SPAG9: variants seen among roughly 807,000 people sequenced by gnomAD.
The protein encoded by SPAG9 is sperm associated antigen 9.
In SPAG9, 35 loss-of-function variants were observed where a neutral mutation model predicts 166.5. The observed-to-expected ratio is 0.21, with a 90% confidence interval of 0.16 to 0.28. The LOEUF (loss-of-function observed/expected upper bound fraction) is 0.28. Among genes scored for constraint, SPAG9 ranks in the 10% least tolerant of loss-of-function variants. The pLI is 1.00. For missense variants in SPAG9, 1,235 were observed against 1,603.3 expected (o/e 0.77, Z 3.92); for synonymous variants, 534 against 565.5 (o/e 0.94, Z 0.79).
chr17:50,999,556 A>C, intron 14 of SPAG9, 105 bp downstream of exon 14: 1 of 1,469,510 alleles, frequency 6.8e-7, no homozygotes, highest in Non-Finnish European at 9.2e-7. Context: ...TAAAAAAAAA[A>C]AATGAAGGAA....
intron 5 of SPAG9, among the ~76,000 whole-genome samples, chr17:51,038,207 AG>A (rs2046695400): frequency 6.6e-6 from 1 of 152,218 alleles, no homozygotes; most frequent in South Asian, 2.1e-4. Flanking sequence ...TCTAGAGTCC[AG>A]GGAAGAGATA....
intron 1 of SPAG9, among the ~76,000 whole-genome samples, chr17:51,099,772 A>AAC (rs2048751034): frequency 6.7e-6 from 1 of 149,690 alleles, no homozygotes; most frequent in Non-Finnish European, 1.5e-5. Context: ...AAAAAAAAAA[A>AAC]AAAAAAAAAA....
chr17:51,120,239 T>C lies in SPAG9; in HGVS notation c.303+115A>G. The C allele has an allele frequency of 1.0e-6, 1 of 954,486 alleles. No homozygotes were observed. The highest frequency in any genetic ancestry group is 1.5e-6 in the Non-Finnish European group (1 of 682,744). 59.1% of individuals were successfully genotyped at this position (954,486 alleles called of 1,614,324 possible). ...GGATCGGTCCCAGGGGGCATCGGCC[T>C]CAGGCCCGCCCTCCAGGAGGCCCGT... On this transcript the variant is annotated intron_variant, in intron 1 of 29. Transcript: ENST00000262013. The surrounding 1 kb of genome is among the most constrained non-coding windows in gnomAD (Gnocchi z 4.7).
At chr17:51,107,988 T>C (rs1390180249) in intron 1 of SPAG9, among the ~76,000 whole-genome samples, 1 of 149,422 alleles carries the variant, frequency 6.7e-6, no homozygotes, top group Admixed American at 6.7e-5. Flanking sequence ...CCAGAGGAAA[T>C]CTTATCAGCA....
In SPAG9 at chr17:51,080,864, G is replaced by A. The variant is rs139215350; in HGVS notation, c.304-1160C>T. Among the ~76,000 whole-genome samples the A allele has an allele frequency of 9.6e-3, 1,203 of 125,220 alleles. 17 individuals are homozygous for A. Among genetic ancestry groups the A allele is most frequent in the African/African-American group, 0.038 (1,107 of 29,420 alleles). The allele number at this position is 125,220 out of a possible 152,430, so 82.1% of individuals were successfully genotyped here. The stretch of plus-strand genomic sequence containing the variant: ...ATCGCACCACTGCACTCCAGCCTGG[G>A]CTACAGAGCAAGACTCTATCTCAAA... On this transcript the variant is annotated intron_variant, in intron 1 of 29. Transcript: ENST00000262013.
chr17:51,028,148 ATG>A (rs2046259350), intron 6 of SPAG9, among the ~76,000 whole-genome samples: 1 of 152,118 alleles, frequency 6.6e-6, no homozygotes, highest in African/African-American at 2.4e-5. Context: ...GAGCTATACA[ATG>A]TGTTTGTGTT....
At chr17:50,984,860 T>G in intron 24 of SPAG9, 63 bp downstream of exon 24, 1 of 1,239,586 alleles carries the variant, frequency 8.1e-7, no homozygotes, top group Admixed American at 1.7e-5. Context: ...TAAACCAATC[T>G]ACTTAAAAAT....
In SPAG9 at chr17:51,087,406, C is replaced by T. The variant is rs190366320; in HGVS notation, c.304-7702G>A. On this transcript the variant is annotated intron_variant, in intron 1 of 29. Transcript: ENST00000262013. Reference sequence around the variant, plus strand: ...TGAAATTCAAACAGATGCCAAAATACAGCTCTTGGCAGAAAAAGGTTTGGA... The same window carrying T: ...TGAAATTCAAACAGATGCCAAAATATAGCTCTTGGCAGAAAAAGGTTTGGA... 1.1e-3 allele frequency among the ~76,000 whole-genome samples: 162 copies of T among 152,278 alleles called. 1 individual carries two copies. The highest frequency in any genetic ancestry group is 3.5e-4 in the Non-Finnish European group (24 of 68,018).
chr17:51,046,417 G>A, intron 4 of SPAG9: 1 of 932,478 alleles, frequency 1.1e-6, no homozygotes, highest in Non-Finnish European at 1.6e-6. Context: ...ATCTGCAACA[G>A]AAATTGTTAC....
chr17:51,101,220 C>T (rs1221935099), intron 1 of SPAG9, among the ~76,000 whole-genome samples: 1 of 151,734 alleles, frequency 6.6e-6, no homozygotes, highest in Non-Finnish European at 1.5e-5. Flanking sequence ...GTGGCGCACA[C>T]CTGTAGTCCC....
At chr17:51,082,972 C>T (rs2048208502) in intron 1 of SPAG9, among the ~76,000 whole-genome samples, 1 of 152,186 alleles carries the variant, frequency 6.6e-6, no homozygotes, top group Non-Finnish European at 1.5e-5. Context: ...CTCTCTGGGA[C>T]ATCTGCCAGT....
intron 3 of SPAG9, among the ~76,000 whole-genome samples, chr17:51,055,822 G>T (rs113274372): frequency 6.6e-6 from 1 of 152,070 alleles, no homozygotes; most frequent in African/African-American, 2.4e-5. Flanking sequence ...AAGGCTGACA[G>T]GGAATCATAA....
Position 51,012,116 on chromosome 17 carries a change from C to T in SPAG9, c.1213+2116G>A, listed in dbSNP as rs1156758767. On this transcript the variant is annotated intron_variant, in intron 9 of 29. Coordinates refer to ENST00000262013, the MANE Select transcript of SPAG9 (RefSeq NM_001130528.3). ...GGTGAATTTTACTGCACTGAATATA[C>T]ATTTTAAAATTCTTCTAACATTTTT... 2.6e-5 allele frequency among the ~76,000 whole-genome samples: 4 copies of T among 152,274 alleles called. No individual in the cohort carries two copies. The East Asian group carries it at 7.7e-4, about 29-fold the overall frequency.
At chr17:51,062,020 TTTA>T (rs1262179832) in intron 2 of SPAG9, among the ~76,000 whole-genome samples, 1 of 152,224 alleles carries the variant, frequency 6.6e-6, no homozygotes, top group African/African-American at 2.4e-5. Flanking sequence ...TCTATATTTT[TTTA>T]TTTAATAGCA....
At chr17:51,069,872 G>A (rs145968973) in intron 2 of SPAG9, among the ~76,000 whole-genome samples, 1,891 of 152,210 alleles carry the variant, frequency 0.012, 18 homozygotes, top group Non-Finnish European at 0.018. Flanking sequence ...TTTGACTTCA[G>A]TGCCAACAAC....
chr17:51,005,007 G>A (rs1033527759), intron 12 of SPAG9, among the ~76,000 whole-genome samples: 9 of 152,088 alleles, frequency 5.9e-5, no homozygotes, highest in Non-Finnish European at 1.3e-4. Context: ...AGGCACAGAG[G>A]GAAAATGAGC....
intron 12 of SPAG9, among the ~76,000 whole-genome samples, chr17:51,004,399 C>G (rs2045103819): frequency 6.6e-6 from 1 of 152,090 alleles, no homozygotes; most frequent in Non-Finnish European, 1.5e-5. Flanking sequence ...CCAAAACAAC[C>G]ACATATCTTT....
At chr17:51,015,731 GT>G (rs899487698) in intron 8 of SPAG9, among the ~76,000 whole-genome samples, 4 of 139,830 alleles carry the variant, frequency 2.9e-5, no homozygotes, top group Non-Finnish European at 3.3e-5. Context: ...AAGAATGAGG[GT>G]TTAAAAAAAA....
At chr17:51,028,467 T>C (rs1352420270) in intron 6 of SPAG9, among the ~76,000 whole-genome samples, 1 of 152,204 alleles carries the variant, frequency 6.6e-6, no homozygotes, top group African/African-American at 2.4e-5. Flanking sequence ...ATTTTTACTG[T>C]ATCTTTTCTA....
Sources: gnomAD v4.1 joint callset for allele counts (sites outside exome capture counted in the v4.1 genomes callset) on GRCh38, gnomAD v4.1.1 for gene constraint, Gnocchi (gnomAD v3.1) non-coding constraint, MANE v1.5 for transcripts, NCBI Gene and HGNC (gene_info 2026-07-23, HGNC 2026-07-21) for gene names.